The following RGS2 variants were observed in gnomAD, a reference collection of about 807,000 sequenced individuals.
RGS2 encodes the protein G0 to G1 switch regulatory 8, 24kD.
Under a neutral mutation model 26.6 loss-of-function variants are expected in RGS2, and 20 were observed. That is an observed-to-expected ratio of 0.75 (90% CI 0.53 to 1.09). The LOEUF (loss-of-function observed/expected upper bound fraction) is 1.09. Among genes scored for constraint, RGS2 ranks in the 50% least tolerant of loss-of-function variants. RGS2 has a pLI of 0.00. For missense variants in RGS2, 246 were observed against 245.5 expected, an observed-to-expected ratio of 1.00 and a Z score of -0.01; for synonymous variants, 97 against 79.9, an observed-to-expected ratio of 1.21 and a Z score of -1.14.
At chr1:192,809,465 C>T in intron 1 of RGS2, 1 of 449,106 alleles carries the variant, frequency 2.2e-6, no homozygotes, top group Non-Finnish European at 4.2e-6. Context: ...CAGAATCCTG[C>T]GGCTGAAGCG....
intron 1 of RGS2, chr1:192,809,448 A>C: frequency 2.1e-6 from 1 of 480,394 alleles, no homozygotes; most frequent in South Asian, 2.0e-5. Flanking sequence ...TGCATTCAAA[A>C]TGACATCAGA....
rs773800785 is a variant in RGS2, at chr1:192,809,161, A to C, written c.90A>C (p.Arg30=). 3.7e-6 allele frequency: 6 copies of C among 1,613,274 alleles called. No homozygotes were observed. The South Asian group carries it at 6.6e-5, about 18-fold the overall frequency. Residue 30 remains arginine, a synonymous_variant, in exon 1 of 5, where the codon CGA becomes CGC. Transcript: ENST00000235382. ...GTGGCCACAAGAGCGAGGAGAAGCG[A>C]GAAAAGATGAAACGGACCCTGTGAG... ...AGSGHKSEEK[R]EKMKRTLLKD...
At chr1:192,810,120 T>A (rs1462424963) in intron 1 of RGS2, 46 bp from the exon 2 acceptor site, 1 of 1,210,564 alleles carries the variant, frequency 8.3e-7, no homozygotes, top group Non-Finnish European at 1.2e-6. Context: ...AGTAGCATAT[T>A]CAAGTGTTGC....
chr1:192,809,385 A>G (rs1457154120), intron 1 of RGS2: 2 of 593,114 alleles, frequency 3.4e-6, no homozygotes, highest in Non-Finnish European at 3.2e-6. Context: ...GACAGTTGAT[A>G]TGAGGGCGGT....
Position 192,811,937 on chromosome 1 carries a change from T to G in RGS2, c.*341T>G. 2.9e-6 allele frequency: 1 copy of G among 342,930 alleles called. No homozygotes were observed. 21.2% of individuals were successfully genotyped at this position (342,930 alleles called of 1,614,324 possible). On this transcript the variant is annotated 3_prime_UTR_variant, in exon 5 of 5. Transcript: ENST00000235382. ...TAAAATCAATAGATCTGGGATTATG[T>G]GGCCTTAGGTAGCTGGTTGTACATC...
rs759895235 is a variant in RGS2, at chr1:192,811,478, C to T, written c.518C>T (p.Ala173Val). 1 of 1,613,974 alleles carries T rather than the reference C, an allele frequency of 6.2e-7. No homozygotes were observed. The highest frequency in any genetic ancestry group is 8.5e-7 in the Non-Finnish European group (1 of 1,179,864). The change falls in exon 5 of 5, where the codon GCC becomes GTC. Residue 173 changes from alanine to valine, a missense_variant. By Grantham distance (64) the Ala-to-Val change is moderately conservative (BLOSUM62 0). Transcript: ENST00000235382. ...GCTACAAGTGGCTGCTTTACAACTG[C>T]CCAGAAAAGGGTATACAGCTTGATG... ...QEATSGCFTT[A>V]QKRVYSLMEN...
At chr1:192,811,251 C>A in intron 4 of RGS2, 104 bp downstream of exon 4, 1 of 1,408,392 alleles carries the variant, frequency 7.1e-7, no homozygotes, top group Non-Finnish European at 1.0e-6. Context: ...TAAAAAGTCC[C>A]TCCACGTTGT....
chr1:192,810,568 T>A, intron 3 of RGS2, 137 bp downstream of exon 3: 1 of 782,840 alleles, frequency 1.3e-6, no homozygotes, highest in Non-Finnish European at 2.2e-6. Context: ...TTTTCTTTCC[T>A]TTATTTCCCA....
At chr1:192,810,712 G>A in intron 3 of RGS2, 1 of 609,722 alleles carries the variant, frequency 1.6e-6, no homozygotes, top group Non-Finnish European at 2.9e-6. Flanking sequence ...AAGAGGCTTA[G>A]TTCCCAGAGA....
intron 3 of RGS2, chr1:192,810,676 G>GT (rs1171758926): frequency 3.2e-6 from 2 of 616,010 alleles, no homozygotes; most frequent in Non-Finnish European, 5.7e-6. Context: ...GGTTGAGTCA[G>GT]TTTTTCCATT....
Position 192,811,601 on chromosome 1 carries a change from TA to T in RGS2, c.*9del. On this transcript the variant is annotated 3_prime_UTR_variant, in exon 5 of 5. Coordinates refer to ENST00000235382, the MANE Select transcript of RGS2 (RefSeq NM_002923.4). ...ACAGAGCCTCATGCTACATGAAATG[TA>T]AAAGGGAGCCCAGAAATGGAGGACA... 2 of 1,613,334 alleles carry T rather than the reference TA, an allele frequency of 1.2e-6. No homozygotes were observed. Among genetic ancestry groups the T allele is most frequent in the Non-Finnish European group, 1.7e-6 (2 of 1,179,320 alleles).
In RGS2 at chr1:192,811,157, C is replaced by G; in HGVS notation, c.441+10C>G. ...GGAAGCTCCAAAAGAGGTAAGGAAA[C>G]AAGTTCCTAATTTCAGCACAATCTG... On this transcript the variant is annotated intron_variant, in intron 4 of 4. Transcript: ENST00000235382. 6.2e-7 allele frequency: 1 copy of G among 1,613,722 alleles called. No individual in the cohort carries two copies. The highest frequency in any genetic ancestry group is 8.5e-7 in the Non-Finnish European group (1 of 1,179,688).
chr1:192,811,190 T>A lies in RGS2; in HGVS notation c.441+43T>A, dbSNP rs766027565. The A allele has an allele frequency of 3.7e-5, 59 of 1,597,646 alleles. 1 individual carries two copies. Among genetic ancestry groups the A allele is most frequent in the African/African-American group, 5.6e-5 (4 of 71,132 alleles). On this transcript the variant is annotated intron_variant, in intron 4 of 4. Transcript: ENST00000235382. ...TAATTTCAGCACAATCTGGACATCT[T>A]TAGCACAAAAGTGAAACAAAGTAAT...
rs2102107259 is a variant in RGS2, at chr1:192,811,738, T to C, written c.*142T>C. On this transcript the variant is annotated 3_prime_UTR_variant, in exon 5 of 5. Transcript: ENST00000235382. ...TCAGAACTATTGATTCAAAGTTGGG[T>C]AGTGAATCAGGAAGCCAGTAACTGA... 2 of 844,420 alleles carry C rather than the reference T, an allele frequency of 2.4e-6. No individual in the cohort carries two copies. Among genetic ancestry groups the C allele is most frequent in the East Asian group, 5.1e-5 (2 of 38,950 alleles). 52.3% of individuals were successfully genotyped at this position (844,420 alleles called of 1,614,324 possible).
At chr1:192,810,313 G>A (rs1164585318) in intron 2 of RGS2, 46 bp downstream of exon 2, 1 of 1,604,974 alleles carries the variant, frequency 6.2e-7, no homozygotes, top group Admixed American at 1.7e-5. Context: ...GTTAGCTGCT[G>A]AACTGAAAAG....
At position 192,810,403 on chromosome 1, in the gene RGS2, A is replaced by C; in HGVS notation, c.246A>C (p.Glu82Asp). 1 of 1,614,214 alleles carries C rather than the reference A, an allele frequency of 6.2e-7. No individual in the cohort carries two copies. Among genetic ancestry groups the C allele is most frequent in the Non-Finnish European group, 8.5e-7 (1 of 1,180,030 alleles). The change falls in exon 3 of 5, where the codon GAA becomes GAC. Residue 82 changes from glutamate (E) to aspartate (D), a missense_variant. Coordinates refer to ENST00000235382, the MANE Select transcript of RGS2 (RefSeq NM_002923.4). ...PSPEEAQLWS[E>D]AFDELLASKY... is the part of the protein sequence containing the mutation. The stretch of plus-strand genomic sequence containing the variant: ...CTGAGGAAGCACAGCTGTGGTCAGA[A>C]GCATTTGACGAGCTGCTAGCCAGCA...
chr1:192,810,505 G>A, intron 3 of RGS2, 74 bp downstream of exon 3: 1 of 1,350,320 alleles, frequency 7.4e-7, no homozygotes, highest in Non-Finnish European at 1.1e-6. Flanking sequence ...CCTAACAAAA[G>A]AGCAGCTTGC....
chr1:192,809,659 A>T (rs1047853701), intron 1 of RGS2: 1 of 279,046 alleles, frequency 3.6e-6, no homozygotes, highest in Non-Finnish European at 7.0e-6. Flanking sequence ...TGCTTAAAAG[A>T]AGTGTCGTAG....
Position 192,811,991 on chromosome 1 carries a change from T to C in RGS2, c.*395T>C. On this transcript the variant is annotated 3_prime_UTR_variant, in exon 5 of 5. Transcript: ENST00000235382. ...CCCTAAATCGATCCATGTTACCACA[T>C]AGTAGTTTTAGTTTAGGATTCAGTA... The C allele has an allele frequency of 3.5e-6, 1 of 282,466 alleles. No individual in the cohort carries two copies. Among genetic ancestry groups the C allele is most frequent in the East Asian group, 8.7e-5 (1 of 11,470 alleles). The allele number at this position is 282,466 out of a possible 1,614,324, so 17.5% of individuals were successfully genotyped here. A position where few individuals can be genotyped will look rare whatever the true frequency, so the allele number is the denominator to read the frequency against.
Sources: gnomAD v4.1 joint callset for allele counts on GRCh38, gnomAD v4.1.1 for gene constraint, MANE v1.5 for transcripts, NCBI Gene and HGNC (gene_info 2026-07-23, HGNC 2026-07-21) for gene names.